Variants in NTRK2 observed in about 807,000 individuals in gnomAD.
The protein encoded by NTRK2 is neurotrophic receptor tyrosine kinase 2.
NTRK2 carries 13 observed loss-of-function variants against 94.5 expected under a neutral mutation model. That is an observed-to-expected ratio of 0.14 (90% CI 0.09 to 0.22). The LOEUF is 0.22. Ranked by LOEUF, NTRK2 falls within the 10% of genes least tolerant of loss-of-function variation. The pLI is 1.00. For synonymous variants in NTRK2, 372 were observed against 407.4 expected (o/e 0.91, Z 1.05); for missense variants, 639 against 1,071.2 (o/e 0.60, Z 5.63).
At chr9:84,770,327 T>C (rs1479188780) in intron 12 of NTRK2, among the ~76,000 whole-genome samples, 1 of 152,144 alleles carries the variant, frequency 6.6e-6, no homozygotes, top group Non-Finnish European at 1.5e-5. Flanking sequence ...GCAAACTCTG[T>C]GGTATAATTT....
chr9:84,827,642 G>T (rs115218990), intron 12 of NTRK2, among the ~76,000 whole-genome samples: 2,343 of 152,270 alleles, frequency 0.015, 52 homozygotes, highest in African/African-American at 0.053. Context: ...GTAACCCTTG[G>T]GGTGGAATCT....
chr9:84,894,535 A>G (rs771945375), intron 14 of NTRK2, among the ~76,000 whole-genome samples: 62 of 152,060 alleles, frequency 4.1e-4, no homozygotes, highest in Non-Finnish European at 8.8e-5. Context: ...CACAACCTCC[A>G]CCTAAATATT....
chr9:84,983,936 A>G (rs1588115648), intron 17 of NTRK2, among the ~76,000 whole-genome samples: 1 of 152,222 alleles, frequency 6.6e-6, no homozygotes, highest in Admixed American at 6.5e-5. Context: ...CTGGGGCTCT[A>G]GAGTTAGCCA....
At chr9:85,001,040 A>C (rs529665638) in intron 17 of NTRK2, among the ~76,000 whole-genome samples, 78 of 152,334 alleles carry the variant, frequency 5.1e-4, no homozygotes, top group Middle Eastern at 3.4e-3. Flanking sequence ...TCTCAGGTAG[A>C]TTCCAAGACT....
chr9:84,810,906 GA>G (rs1056629585), intron 12 of NTRK2: 2 of 1,205,550 alleles, frequency 1.7e-6, no homozygotes, highest in African/African-American at 3.1e-5. Flanking sequence ...CTTCTCTTCT[GA>G]AAAGTGTGCT....
chr9:84,711,300 C>G (rs953591747), intron 6 of NTRK2, among the ~76,000 whole-genome samples: 4 of 152,320 alleles, frequency 2.6e-5, no homozygotes, highest in Admixed American at 1.3e-4. Flanking sequence ...GTCTGCCATG[C>G]CACGTGCTTC....
At chr9:84,717,890 A>G (rs1055860996) in intron 6 of NTRK2, among the ~76,000 whole-genome samples, 2 of 152,204 alleles carry the variant, frequency 1.3e-5, no homozygotes, top group Non-Finnish European at 2.9e-5. Context: ...TGGGGAATGT[A>G]AGATCAATGG....
At chr9:84,918,558 A>T (rs2077466158) in intron 14 of NTRK2, among the ~76,000 whole-genome samples, 1 of 152,234 alleles carries the variant, frequency 6.6e-6, no homozygotes, top group African/African-American at 2.4e-5. Flanking sequence ...AAAGCCTGGG[A>T]TAGAAGACCA....
intron 14 of NTRK2, among the ~76,000 whole-genome samples, chr9:84,881,640 T>C (rs1336147144): frequency 6.6e-6 from 1 of 152,190 alleles, no homozygotes; most frequent in East Asian, 1.9e-4. Context: ...GGGAAGAAAA[T>C]ACATCTCTAC....
intron 9 of NTRK2, among the ~76,000 whole-genome samples, chr9:84,736,939 A>AAGGCTGAT (rs2063302456): frequency 1.3e-5 from 2 of 152,352 alleles, no homozygotes; most frequent in Admixed American, 1.3e-4. Context: ...TGAAAATCAA[A>AAGGCTGAT]AGGCTGATCC....
At chr9:84,930,241 C>A (rs1242926825) in intron 14 of NTRK2, among the ~76,000 whole-genome samples, 2 of 152,224 alleles carry the variant, frequency 1.3e-5, no homozygotes, top group Non-Finnish European at 2.9e-5. Context: ...GGCCTCTTAG[C>A]TCCACTGCTG....
Position 84,811,215 on chromosome 9 carries a change from T to C in NTRK2, c.1397-49825T>C, listed in dbSNP as rs139880702. The C allele has an allele frequency of 5.6e-4, 599 of 1,063,676 alleles. 5 individuals are homozygous for C. In the African/African-American group the frequency reaches 9.3e-3, roughly 17 times the overall value. 65.9% of individuals were successfully genotyped at this position (1,063,676 alleles called of 1,614,324 possible). Reference sequence around the variant, plus strand: ...CCTTCACTGTCAATAAAAGTCCAAATGTTTAGCTTAGGTCTGAGAGTCAAA... The same window carrying C: ...CCTTCACTGTCAATAAAAGTCCAAACGTTTAGCTTAGGTCTGAGAGTCAAA... On this transcript the variant is annotated intron_variant, in intron 12 of 18. Transcript: ENST00000277120.
At chr9:84,693,035 G>A (rs1302888759) in intron 2 of NTRK2, among the ~76,000 whole-genome samples, 3 of 152,206 alleles carry the variant, frequency 2.0e-5, no homozygotes, top group Non-Finnish European at 4.4e-5. Flanking sequence ...TTGCCAGGAG[G>A]AGATGCTGGT....
At chr9:84,952,385 G>A (rs1361452027) in intron 16 of NTRK2, among the ~76,000 whole-genome samples, 2 of 152,240 alleles carry the variant, frequency 1.3e-5, no homozygotes, top group Non-Finnish European at 2.9e-5. Flanking sequence ...GGACAGCTAA[G>A]TCAGGCCCAT....
intron 17 of NTRK2, among the ~76,000 whole-genome samples, chr9:84,980,819 A>G (rs4361832): frequency 0.85 from 129,646 of 152,318 alleles, 55,502 homozygotes; most frequent in African/African-American, 0.94. Flanking sequence ...TCGTGATGCC[A>G]AATGTGAGCC....
chr9:84,912,181 A>G (rs1046000713), intron 14 of NTRK2, among the ~76,000 whole-genome samples: 2 of 152,118 alleles, frequency 1.3e-5, no homozygotes, highest in African/African-American at 4.8e-5. Flanking sequence ...CTATTTTAGT[A>G]TATGTTCAGT....
intron 14 of NTRK2, among the ~76,000 whole-genome samples, chr9:84,890,909 C>T (rs959314566): frequency 6.6e-6 from 1 of 152,200 alleles, no homozygotes; most frequent in Non-Finnish European, 1.5e-5. Context: ...CTCTAAGGTG[C>T]TTTCTTCAAT....
intron 14 of NTRK2, among the ~76,000 whole-genome samples, chr9:84,880,423 A>G (rs953531154): frequency 2.6e-5 from 4 of 152,190 alleles, no homozygotes; most frequent in African/African-American, 2.4e-5. Flanking sequence ...TGCGAATCTT[A>G]TGAGCATCGC....
intron 12 of NTRK2, among the ~76,000 whole-genome samples, chr9:84,795,613 A>C (rs1256603505): frequency 1.3e-5 from 2 of 152,248 alleles, no homozygotes; most frequent in East Asian, 3.9e-4. Flanking sequence ...TTCAAATGTC[A>C]AGGGGGTTCT....
Sources: allele counts gnomAD v4.1 joint callset (sites outside exome capture counted in the v4.1 genomes callset), GRCh38; gene constraint gnomAD v4.1.1; transcripts MANE v1.5; gene names NCBI Gene and HGNC (gene_info 2026-07-23, HGNC 2026-07-21).